IGF1R: variants seen among roughly 807,000 people sequenced by gnomAD.
The protein encoded by IGF1R is insulin-like growth factor 1 receptor.
IGF1R carries 44 observed loss-of-function variants against 144.6 expected under a neutral mutation model. The observed-to-expected ratio is 0.30, with a 90% CI of 0.24 to 0.39. IGF1R has a LOEUF of 0.39. Among genes scored for constraint, IGF1R ranks in the 10% least tolerant of loss-of-function variants. The pLI is 1.00. For missense variants in IGF1R, 1,355 were observed against 1,833.7 expected (o/e 0.74, Z 4.77); for synonymous variants, 795 against 722.8 (o/e 1.10, Z -1.60).
intron 2 of IGF1R, among the ~76,000 whole-genome samples, chr15:98,784,728 C>A (rs191110195): frequency 6.6e-6 from 1 of 152,166 alleles, no homozygotes; most frequent in African/African-American, 2.4e-5. Context: ...AAAAAAATTA[C>A]AATACAACAA....
intron 2 of IGF1R, among the ~76,000 whole-genome samples, chr15:98,778,660 G>T (rs2055780177): frequency 6.6e-6 from 1 of 152,174 alleles, no homozygotes; most frequent in Non-Finnish European, 1.5e-5. Flanking sequence ...CTCTATCTTG[G>T]GTGAGGTGAG....
At chr15:98,800,990 C>T (rs950075720) in intron 2 of IGF1R, among the ~76,000 whole-genome samples, 1 of 125,452 alleles carries the variant, frequency 8.0e-6, no homozygotes, top group Non-Finnish European at 1.9e-5. Flanking sequence ...AGTTAGAACA[C>T]GAAGCATGTG....
chr15:98,793,768 G>T (rs1033775789), intron 2 of IGF1R, among the ~76,000 whole-genome samples: 1 of 152,122 alleles, frequency 6.6e-6, no homozygotes, highest in Non-Finnish European at 1.5e-5. Context: ...CCAGAGGTCT[G>T]CAGGAAAAAG....
intron 1 of IGF1R, among the ~76,000 whole-genome samples, chr15:98,653,339 T>C (rs1309988341): frequency 6.6e-6 from 1 of 152,228 alleles, no homozygotes; most frequent in Non-Finnish European, 1.5e-5. Flanking sequence ...TTTTATTATG[T>C]TTTCCAACAA....
chr15:98,844,437 C>G (rs2011238200), intron 2 of IGF1R, among the ~76,000 whole-genome samples: 1 of 151,970 alleles, frequency 6.6e-6, no homozygotes, highest in Non-Finnish European at 1.5e-5. Context: ...TGACTCCCTG[C>G]CAAAAAAACT....
chr15:98,738,163 C>T (rs1400174488), intron 2 of IGF1R, among the ~76,000 whole-genome samples: 2 of 152,188 alleles, frequency 1.3e-5, no homozygotes, highest in South Asian at 2.1e-4. Flanking sequence ...CAACAGGTTA[C>T]CCTTTACCGG....
At chr15:98,841,202 A>G (rs1187547728) in intron 2 of IGF1R, among the ~76,000 whole-genome samples, 2 of 152,228 alleles carry the variant, frequency 1.3e-5, no homozygotes, top group African/African-American at 2.4e-5. Context: ...AATCAGTAAA[A>G]TGGAGCCCTG....
At chr15:98,855,069 C>A (rs1435926670) in intron 2 of IGF1R, among the ~76,000 whole-genome samples, 1 of 152,202 alleles carries the variant, frequency 6.6e-6, no homozygotes, top group African/African-American at 2.4e-5. Context: ...TGTACTATTT[C>A]CTTGTTTGTT....
At chr15:98,877,012 A>G (rs1007463649) in intron 2 of IGF1R, among the ~76,000 whole-genome samples, 1 of 152,234 alleles carries the variant, frequency 6.6e-6, no homozygotes, top group African/African-American at 2.4e-5. Flanking sequence ...AAATGTTTAC[A>G]AGTCCAAAAG....
At chr15:98,941,377 T>C (rs2016360095) in intron 18 of IGF1R, among the ~76,000 whole-genome samples, 1 of 152,214 alleles carries the variant, frequency 6.6e-6, no homozygotes, top group Non-Finnish European at 1.5e-5. Context: ...TTTGTGCCAA[T>C]TGCCATTTTA....
chr15:98,921,570 G>C lies in IGF1R; in HGVS notation c.2202-578G>C, dbSNP rs1009704361. ...CACAGACGCTTGGGGTTGGGGGTGG[G>C]CTCGCAGCAGGAGCCCCCAAGAAGA... is the stretch of plus-strand genomic sequence containing the variant. On this transcript the variant is annotated intron_variant, in intron 10 of 20. Transcript: ENST00000650285. Among the ~76,000 whole-genome samples the C allele has an allele frequency of 7.3e-4, 111 of 152,232 alleles. 3 individuals are homozygous for C. Among genetic ancestry groups the C allele is most frequent in the Middle Eastern group, 3.4e-3 (1 of 294 alleles).
chr15:98,804,101 C>T (rs1199179113), intron 2 of IGF1R, among the ~76,000 whole-genome samples: 1 of 152,230 alleles, frequency 6.6e-6, no homozygotes, highest in Non-Finnish European at 1.5e-5. Context: ...TGCACTTCAT[C>T]TTTGAAACGC....
chr15:98,772,323 G>C lies in IGF1R; in HGVS notation c.640+64216G>C, dbSNP rs574201457. Among the ~76,000 whole-genome samples the C allele has an allele frequency of 4.1e-4, 62 of 151,856 alleles. No homozygotes were observed. The South Asian group carries it at 0.011, about 27-fold the overall frequency. On this transcript the variant is annotated intron_variant, in intron 2 of 20. Transcript: ENST00000650285. Reference sequence around the variant, plus strand: ...AAAGAGGAATTTTTTGAAAATCACTGATATTTTTGATATACTGTTGTTTTC... The same window carrying C: ...AAAGAGGAATTTTTTGAAAATCACTCATATTTTTGATATACTGTTGTTTTC...
intron 2 of IGF1R, among the ~76,000 whole-genome samples, chr15:98,720,627 G>A (rs888457279): frequency 9.9e-5 from 15 of 152,226 alleles, no homozygotes; most frequent in African/African-American, 3.6e-4. Context: ...GGCTGGCAAA[G>A]CACCTCAGTG....
chr15:98,919,917 G>A (rs886136802), intron 10 of IGF1R, among the ~76,000 whole-genome samples: 2 of 152,300 alleles, frequency 1.3e-5, no homozygotes, highest in Non-Finnish European at 2.9e-5. Context: ...GTATTTGTGG[G>A]ATAAAACCAG....
intron 1 of IGF1R, among the ~76,000 whole-genome samples, chr15:98,662,032 C>T (rs1051302016): frequency 1.4e-4 from 21 of 147,312 alleles, no homozygotes; most frequent in African/African-American, 4.1e-4. Flanking sequence ...GTGCAATCTC[C>T]GCTCACTGCA....
intron 2 of IGF1R, among the ~76,000 whole-genome samples, chr15:98,745,564 G>A (rs932869377): frequency 9.9e-5 from 15 of 152,250 alleles, no homozygotes; most frequent in African/African-American, 3.6e-4. Flanking sequence ...GGCAGGAACA[G>A]GACACCTCTG....
chr15:98,881,431 C>T (rs1033611376), intron 2 of IGF1R, among the ~76,000 whole-genome samples: 5 of 152,256 alleles, frequency 3.3e-5, no homozygotes, highest in African/African-American at 1.2e-4. Flanking sequence ...AGCAATTCTC[C>T]TGCCTCGGCC....
rs1382113741 is a variant in IGF1R at position 98,916,039 on chromosome 15, C to T, written c.1904C>T (p.Ser635Phe). The change falls in exon 9 of 21, where the codon TCT (serine) becomes TTT (phenylalanine). Residue 635 changes from serine to phenylalanine, a missense_variant. Ser to Phe is a radical substitution (Grantham distance 155, BLOSUM62 -2). This residue lies in a region of IGF1R where 880 missense variants were observed against 1,202.7 expected (regional missense o/e 0.73). Coordinates refer to ENST00000650285, the MANE Select transcript of IGF1R (RefSeq NM_000875.5). ...TTAATCGTGAAGTGGAACCCTCCCT[C>T]TCTGCCCAACGGCAACCTGAGTTAC... is the stretch of plus-strand genomic sequence containing the variant. ...SQLIVKWNPPSLPNGNLSYYI... is the reference protein window; with the variant it reads ...SQLIVKWNPPFLPNGNLSYYI... 1 of 1,614,196 alleles carries T rather than the reference C, an allele frequency of 6.2e-7. No individual in the cohort carries two copies.
Sources: gnomAD v4.1 joint callset for allele counts (sites outside exome capture counted in the v4.1 genomes callset) on GRCh38, gnomAD v4.1.1 for gene constraint, gnomAD v4.1.1 regional missense constraint, MANE v1.5 for transcripts, NCBI Gene and HGNC (gene_info 2026-07-23, HGNC 2026-07-21) for gene names.